The following ZSWIM5 variants were observed in gnomAD, a reference collection of about 807,000 sequenced individuals.
The protein encoded by ZSWIM5 is zinc finger SWIM-type containing 5.
A neutral mutation model predicts 119.6 loss-of-function variants in ZSWIM5; 55 were observed. The observed-to-expected ratio is 0.46, with a 90% CI of 0.37 to 0.58. The LOEUF is 0.58. Among genes scored for constraint, ZSWIM5 ranks in the 20% least tolerant of loss-of-function variants. The pLI, the probability that ZSWIM5 is intolerant of heterozygous loss-of-function variation, is 0.00. For synonymous variants in ZSWIM5, 537 were observed against 606.9 expected (o/e 0.88, Z 1.69); for missense variants, 1,193 against 1,512.8 (o/e 0.79, Z 3.51).
Position 45,033,433 on chromosome 1 carries a change from C to G in ZSWIM5, c.2449+879G>C, listed in dbSNP as rs546985944. On this transcript the variant is annotated intron_variant, in intron 11 of 13. Coordinates refer to ENST00000359600, the MANE Select transcript of ZSWIM5 (RefSeq NM_020883.2). ...TTCAAAATCCATGTAGTTTCCTGGT[C>G]TAAAATATTCAGGAGCTCATGGTGG... 7.2e-5 allele frequency among the ~76,000 whole-genome samples: 11 copies of G among 152,210 alleles called. No homozygotes were observed. In the South Asian group the frequency reaches 2.3e-3, roughly 32 times the overall value.
intron 2 of ZSWIM5, among the ~76,000 whole-genome samples, chr1:45,061,399 C>T (rs1428273240): frequency 6.8e-6 from 1 of 146,580 alleles, no homozygotes; most frequent in Non-Finnish European, 1.5e-5. Context: ...GAGACAGAGT[C>T]TCACTCTGTC....
Position 45,036,257 on chromosome 1 carries a change from A to C in ZSWIM5, c.1937T>G (p.Val646Gly), listed in dbSNP as rs189694612. 3 of 1,614,024 alleles carry C rather than the reference A, an allele frequency of 1.9e-6. No homozygotes were observed. The highest frequency in any genetic ancestry group is 3.3e-4 in the Middle Eastern group (2 of 5,992). ...ACTGCTGTTTGGGGAGCCTGCAGCC[A>C]CAGGTACATGCTGGTACACAGGGGG... ...SRPPVYQHVP[V>G]AAGSPNSSES... The change falls in exon 9 of 14, where the codon GTG becomes GGG. Residue 646 changes from valine (V) to glycine (G), a missense_variant. Transcript: ENST00000359600.
chr1:45,134,975 T>C (rs1362471692), intron 1 of ZSWIM5, among the ~76,000 whole-genome samples: 1 of 152,166 alleles, frequency 6.6e-6, no homozygotes, highest in Non-Finnish European at 1.5e-5. Context: ...CCTCTATCTA[T>C]TCATTCATCA....
At chr1:45,205,067 T>G (rs993615489) in intron 1 of ZSWIM5, among the ~76,000 whole-genome samples, 4 of 151,772 alleles carry the variant, frequency 2.6e-5, no homozygotes, top group African/African-American at 9.7e-5. Context: ...GACCAGCTTT[T>G]GATTTACCCC....
At chr1:45,097,814 G>A (rs1009167366) in intron 1 of ZSWIM5, among the ~76,000 whole-genome samples, 2 of 152,042 alleles carry the variant, frequency 1.3e-5, no homozygotes, top group African/African-American at 2.4e-5. Flanking sequence ...CAATTCTCCT[G>A]CCTCAGTCTC....
At chr1:45,148,538 T>C (rs545678657) in intron 1 of ZSWIM5, among the ~76,000 whole-genome samples, 4 of 152,254 alleles carry the variant, frequency 2.6e-5, no homozygotes, top group African/African-American at 9.6e-5. Flanking sequence ...AAATAATTGC[T>C]ACATTTTATA....
At chr1:45,126,831 A>C (rs1557773860) in intron 1 of ZSWIM5, among the ~76,000 whole-genome samples, 1 of 152,242 alleles carries the variant, frequency 6.6e-6, no homozygotes, top group Non-Finnish European at 1.5e-5. Flanking sequence ...TCATTTTATT[A>C]GAAAAACAAC....
intron 2 of ZSWIM5, chr1:45,069,842 GT>G (rs1426218391): frequency 6.1e-6 from 2 of 326,212 alleles, no homozygotes; most frequent in Non-Finnish European, 1.1e-5. Flanking sequence ...TATGCTTCCT[GT>G]TTTTTCAGTA....
intron 1 of ZSWIM5, among the ~76,000 whole-genome samples, chr1:45,139,508 CA>C (rs1157634711): frequency 7.7e-6 from 1 of 130,120 alleles, no homozygotes; most frequent in Non-Finnish European, 1.6e-5. Flanking sequence ...CAGTCTCAAG[CA>C]ATCTTCCCAC....
chr1:45,109,141 C>T (rs750498743), intron 1 of ZSWIM5, among the ~76,000 whole-genome samples: 4 of 152,178 alleles, frequency 2.6e-5, no homozygotes, highest in Non-Finnish European at 2.9e-5. Flanking sequence ...CAATGCTTAT[C>T]ATTTTGTTTA....
chr1:45,138,484 G>A (rs2149033213), intron 1 of ZSWIM5, among the ~76,000 whole-genome samples: 2 of 122,624 alleles, frequency 1.6e-5, no homozygotes, highest in Non-Finnish European at 3.2e-5. Context: ...CAGCCTGGGA[G>A]ACAAGAGTGA....
chr1:45,023,096 C>G (rs1299249342), intron 11 of ZSWIM5, among the ~76,000 whole-genome samples: 1 of 152,172 alleles, frequency 6.6e-6, no homozygotes, highest in Non-Finnish European at 1.5e-5. Flanking sequence ...ATTATTAACT[C>G]AAGTCTACAG....
chr1:45,046,677 A>G (rs1416901259), intron 5 of ZSWIM5, among the ~76,000 whole-genome samples: 2 of 133,542 alleles, frequency 1.5e-5, no homozygotes, highest in Non-Finnish European at 3.2e-5. Flanking sequence ...CACATATATG[A>G]GCTGTTAGTA....
intron 1 of ZSWIM5, among the ~76,000 whole-genome samples, chr1:45,133,604 CTTTAG>C (rs1381661085): frequency 6.6e-6 from 1 of 152,156 alleles, no homozygotes; most frequent in Non-Finnish European, 1.5e-5. Context: ...TGCAGAAGCT[CTTTAG>C]TTTAATTAGA....
intron 1 of ZSWIM5, among the ~76,000 whole-genome samples, chr1:45,152,523 A>C (rs1320676870): frequency 6.6e-6 from 1 of 151,840 alleles, no homozygotes; most frequent in Non-Finnish European, 1.5e-5. Context: ...CTATTCAATA[A>C]ATGGTGCTGG....
chr1:45,199,054 T>C (rs1029993791), intron 1 of ZSWIM5, among the ~76,000 whole-genome samples: 1 of 152,206 alleles, frequency 6.6e-6, no homozygotes, highest in African/African-American at 2.4e-5. Context: ...CATTTTGCAT[T>C]CATGCCATAC....
chr1:45,105,911 G>T (rs1346111740), intron 1 of ZSWIM5, among the ~76,000 whole-genome samples: 9 of 139,538 alleles, frequency 6.4e-5, no homozygotes, highest in Non-Finnish European at 1.5e-5. Context: ...GCCCCGTCTG[G>T]GAGGAAGTGA....
intron 1 of ZSWIM5, among the ~76,000 whole-genome samples, chr1:45,200,302 A>G (rs1450124051): frequency 1.3e-5 from 2 of 152,220 alleles, no homozygotes; most frequent in African/African-American, 2.4e-5. Flanking sequence ...ATATTTAAAT[A>G]AGTATGATTT....
At chr1:45,192,909 T>A (rs1646100695) in intron 1 of ZSWIM5, among the ~76,000 whole-genome samples, 1 of 152,210 alleles carries the variant, frequency 6.6e-6, no homozygotes, top group Non-Finnish European at 1.5e-5. Context: ...ATTAGTGCTG[T>A]TGAGCATCTT....
Sources: gnomAD v4.1 joint callset for allele counts (sites outside exome capture counted in the v4.1 genomes callset) on GRCh38, gnomAD v4.1.1 for gene constraint, MANE v1.5 for transcripts, NCBI Gene and HGNC (gene_info 2026-07-23, HGNC 2026-07-21) for gene names.